DIAPH1: variants seen among roughly 807,000 people sequenced by gnomAD.
The protein encoded by DIAPH1 is protein diaphanous homolog 1.
Under a neutral mutation model 140.7 loss-of-function variants are expected in DIAPH1, and 46 were observed. The ratio of observed to expected loss-of-function variants is 0.33; its 90% CI spans 0.26 to 0.42. The LOEUF is 0.42. Among genes scored for constraint, DIAPH1 ranks in the 10% least tolerant of loss-of-function variants. DIAPH1 has a pLI of 1.00. For synonymous variants in DIAPH1, 565 were observed against 551.6 expected (o/e 1.02, Z -0.34); for missense variants, 1,310 against 1,558.7 (o/e 0.84, Z 2.69).
intron 1 of DIAPH1, among the ~76,000 whole-genome samples, chr5:141,592,406 G>C (rs940808602): frequency 9.9e-5 from 15 of 152,076 alleles, no homozygotes; most frequent in Non-Finnish European, 7.4e-5. Context: ...AAACAGCTTT[G>C]TTCAGTAGTC....
At chr5:141,602,739 T>C (rs2099900362) in intron 1 of DIAPH1, among the ~76,000 whole-genome samples, 2 of 152,224 alleles carry the variant, frequency 1.3e-5, no homozygotes, top group Admixed American at 1.3e-4. Context: ...TAGTTTCCCT[T>C]CTTCAATTCC....
rs761912885 is a variant in DIAPH1 at position 141,573,820 on chromosome 5, G to T, written c.2030C>A (p.Pro677Gln). ...AGCACTCCCAGGCAAAGGAGGAGGT[G>T]GGGGGATGGCAGTACCTCCAGGCAA... is the stretch of plus-strand genomic sequence containing the variant. ...SSLPGGTAIP[P>Q]PPPLPGSARI... Residue 677 changes from proline to glutamine, a missense_variant, in exon 16 of 28, where the codon CCA (proline) becomes CAA (glutamine). Coordinates refer to ENST00000389054, the MANE Select transcript of DIAPH1 (RefSeq NM_005219.5). The T allele has an allele frequency of 9.4e-5, 143 of 1,518,288 alleles. 1 individual carries two copies. The highest frequency in any genetic ancestry group is 1.2e-4 in the Non-Finnish European group (132 of 1,127,524). The allele number at this position is 1,518,288 out of a possible 1,614,324, so 94.1% of individuals were successfully genotyped here.
Position 141,528,410 on chromosome 5 carries a change from T to G in DIAPH1, c.3148+43A>C, listed in dbSNP as rs776111457. On this transcript the variant is annotated intron_variant, in intron 23 of 27. Transcript: ENST00000389054. ...AGACTGTGTCTTATTTCCCTCCCCA[T>G]GCAGAGACTTTTGGGCTCTAGCTTC... 19 of 1,613,504 alleles carry G rather than the reference T, an allele frequency of 1.2e-5. No individual in the cohort carries two copies. In the East Asian group the frequency reaches 3.1e-4, roughly 26 times the overall value.
intron 1 of DIAPH1, among the ~76,000 whole-genome samples, 181 bp from the exon 2 acceptor site, chr5:141,588,431 C>G (rs537786664): frequency 7.4e-6 from 1 of 135,356 alleles, no homozygotes; most frequent in South Asian, 2.3e-4. Flanking sequence ...AAGTAAGGGG[C>G]AGGAAGAGTT....
chr5:141,541,273 T>C (rs1394030724), intron 18 of DIAPH1, among the ~76,000 whole-genome samples: 1 of 152,164 alleles, frequency 6.6e-6, no homozygotes, highest in African/African-American at 2.4e-5. Context: ...ATAAAGAACA[T>C]TTACGAAAAA....
intron 7 of DIAPH1, among the ~76,000 whole-genome samples, chr5:141,581,711 T>C (rs530804775): frequency 6.6e-6 from 1 of 152,138 alleles, no homozygotes; most frequent in African/African-American, 2.4e-5. Context: ...AAAGCAAATA[T>C]TGCAGAGACA....
At position 141,528,952 on chromosome 5, in the gene DIAPH1, A is replaced by G. The variant is rs2099887800; in HGVS notation, c.2779-11T>C. The stretch of plus-strand genomic sequence containing the variant: ...GGGCACAGTGCCCATCTAGTAAAGA[A>G]CACAAGCAGTTCCATTACAGTCAAA... On this transcript the variant is annotated splice_polypyrimidine_tract_variant and intron_variant, in intron 21 of 27. Transcript: ENST00000389054. 5 of 1,613,762 alleles carry G rather than the reference A, an allele frequency of 3.1e-6. No homozygotes were observed. Among genetic ancestry groups the G allele is most frequent in the Non-Finnish European group, 1.7e-6 (2 of 1,180,038 alleles).
chr5:141,592,792 T>C (rs1208438930), intron 1 of DIAPH1, among the ~76,000 whole-genome samples: 1 of 152,110 alleles, frequency 6.6e-6, no homozygotes, highest in East Asian at 1.9e-4. Context: ...TAACTACAAA[T>C]ATAGATACTG....
chr5:141,610,115 T>C (rs766179583), intron 1 of DIAPH1, among the ~76,000 whole-genome samples: 9 of 152,086 alleles, frequency 5.9e-5, no homozygotes, highest in African/African-American at 1.7e-4. Context: ...CTGGGCAACA[T>C]AGTGAGACCC....
chr5:141,586,220 A>C (rs1379804020), intron 3 of DIAPH1, among the ~76,000 whole-genome samples: 2 of 152,152 alleles, frequency 1.3e-5, no homozygotes, highest in African/African-American at 2.4e-5. Context: ...TTGACAGACC[A>C]TACTCTTAAG....
At chr5:141,596,513 T>C (rs2099899348) in intron 1 of DIAPH1, among the ~76,000 whole-genome samples, 1 of 151,642 alleles carries the variant, frequency 6.6e-6, no homozygotes, top group African/African-American at 2.4e-5. Flanking sequence ...TAAATAAAAA[T>C]TTAGCGTCTC....
chr5:141,598,333 C>T (rs1259194239), intron 1 of DIAPH1, among the ~76,000 whole-genome samples: 1 of 152,090 alleles, frequency 6.6e-6, no homozygotes, highest in East Asian at 1.9e-4. Context: ...AGATAAATGT[C>T]TAAAGGTCAT....
chr5:141,577,982 T>C (rs978638750), intron 11 of DIAPH1: 3 of 587,662 alleles, frequency 5.1e-6, no homozygotes, highest in East Asian at 5.9e-5. Context: ...CTAGGAAGTT[T>C]ACACTGATTT....
intron 1 of DIAPH1, 119 bp downstream of exon 1, chr5:141,618,679 C>A: frequency 1.5e-6 from 1 of 659,780 alleles, no homozygotes; most frequent in African/African-American, 1.9e-5. Context: ...CCGAGCGAAA[C>A]GAGGAAGGAA....
At chr5:141,601,579 C>T (rs941807871) in intron 1 of DIAPH1, among the ~76,000 whole-genome samples, 5 of 152,140 alleles carry the variant, frequency 3.3e-5, no homozygotes, top group Admixed American at 2.6e-4. Flanking sequence ...CGTGAGCCAC[C>T]GCACCGGGAC....
intron 18 of DIAPH1, among the ~76,000 whole-genome samples, chr5:141,549,092 T>C (rs1419863788): frequency 6.6e-6 from 1 of 152,046 alleles, no homozygotes; most frequent in Non-Finnish European, 1.5e-5. Context: ...ATGGATTAAA[T>C]ATATGAAAAG....
intron 25 of DIAPH1, 24 bp downstream of exon 25, chr5:141,526,273 A>C: frequency 6.2e-7 from 1 of 1,614,196 alleles, no homozygotes; most frequent in South Asian, 1.1e-5. Context: ...CAAAAGATTC[A>C]GTCAGCAAGT....
intron 27 of DIAPH1, chr5:141,519,061 A>G: frequency 7.0e-7 from 1 of 1,422,768 alleles, no homozygotes; most frequent in Non-Finnish European, 9.7e-7. Flanking sequence ...CTAGTTACAG[A>G]TCATAGGTAT....
At chr5:141,532,798 A>G (rs1050867114) in intron 19 of DIAPH1, among the ~76,000 whole-genome samples, 1 of 152,166 alleles carries the variant, frequency 6.6e-6, no homozygotes, top group Admixed American at 6.5e-5. Context: ...CTTTTCTTAA[A>G]TTCTGTTTTC....
Sources: allele counts gnomAD v4.1 joint callset (sites outside exome capture counted in the v4.1 genomes callset), GRCh38; gene constraint gnomAD v4.1.1; transcripts MANE v1.5; gene names NCBI Gene and HGNC (gene_info 2026-07-23, HGNC 2026-07-21).